RFC1: variants seen among roughly 807,000 people sequenced by gnomAD.
The protein encoded by RFC1 is replication factor C subunit 1.
In RFC1, 37 loss-of-function variants were observed where a neutral mutation model predicts 137.4. That is an observed-to-expected ratio of 0.27 (90% confidence interval 0.21 to 0.35). The LOEUF (loss-of-function observed/expected upper bound fraction) is 0.35, where lower values mean the gene tolerates loss of function less well. Among genes scored for constraint, RFC1 ranks in the 10% least tolerant of loss-of-function variants. RFC1 has a pLI of 1.00. For synonymous variants in RFC1, 429 were observed against 455.7 expected (o/e 0.94, Z 0.75); for missense variants, 1,205 against 1,358.5 (o/e 0.89, Z 1.78).
intron 14 of RFC1, among the ~76,000 whole-genome samples, chr4:39,306,039 C>CT (rs2109621529): frequency 6.6e-6 from 1 of 152,316 alleles, no homozygotes; most frequent in African/African-American, 2.4e-5. Flanking sequence ...CACGTGAACT[C>CT]TGATCTGCTC....
intron 12 of RFC1, among the ~76,000 whole-genome samples, chr4:39,310,070 C>T (rs1738892049): frequency 6.6e-6 from 1 of 152,156 alleles, no homozygotes; most frequent in Non-Finnish European, 1.5e-5. Context: ...TTATTGACAT[C>T]CTGTATCTAT....
At chr4:39,299,897 A>T in intron 21 of RFC1, 124 bp downstream of exon 21, 1 of 652,844 alleles carries the variant, frequency 1.5e-6, no homozygotes, top group East Asian at 2.7e-5. Flanking sequence ...CCCGGGCAAC[A>T]GAGCGAGACT....
At chr4:39,319,827 T>C (rs1194833457) in intron 9 of RFC1, among the ~76,000 whole-genome samples, 3 of 152,144 alleles carry the variant, frequency 2.0e-5, no homozygotes, top group African/African-American at 4.8e-5. Flanking sequence ...GGGTAGTGTA[T>C]CCAGCATGGT....
chr4:39,366,123 T>C, intron 1 of RFC1, 116 bp downstream of exon 1: 1 of 1,191,476 alleles, frequency 8.4e-7, no homozygotes, highest in Non-Finnish European at 1.1e-6. Flanking sequence ...TTTGCTAGCC[T>C]CCGGAACCAC....
At chr4:39,303,471 TTGAGACAGAGTTTC>T (rs756101953) in intron 15 of RFC1, among the ~76,000 whole-genome samples, 63 of 152,286 alleles carry the variant, frequency 4.1e-4, no homozygotes, top group Non-Finnish European at 7.8e-4. Flanking sequence ...TTTTTTTTTT[TTGAGACAGAGTTTC>T]ACTCGTTGCC....
intron 3 of RFC1, among the ~76,000 whole-genome samples, chr4:39,342,809 T>G (rs1740670241): frequency 6.6e-6 from 1 of 152,186 alleles, no homozygotes; most frequent in Admixed American, 6.5e-5. Flanking sequence ...AGAAAGAATT[T>G]TATTTGCCTT....
At chr4:39,304,378 C>T (rs1309554445) in intron 15 of RFC1, among the ~76,000 whole-genome samples, 1 of 152,182 alleles carries the variant, frequency 6.6e-6, no homozygotes. Flanking sequence ...ACAATTATCA[C>T]CCCTTTAACT....
chr4:39,305,214 C>T (rs1578116898), intron 14 of RFC1, among the ~76,000 whole-genome samples: 1 of 152,038 alleles, frequency 6.6e-6, no homozygotes, highest in East Asian at 1.9e-4. Context: ...AGAGTATATT[C>T]AAACAAGCAA....
intron 2 of RFC1, among the ~76,000 whole-genome samples, chr4:39,348,242 T>TA (rs1314428107): frequency 6.6e-6 from 1 of 151,036 alleles, no homozygotes. Flanking sequence ...GCCAATATGG[T>TA]AAAACCCCAT....
intron 14 of RFC1, among the ~76,000 whole-genome samples, chr4:39,305,838 G>A (rs907393519): frequency 2.6e-5 from 4 of 152,002 alleles, no homozygotes; most frequent in African/African-American, 9.7e-5. Context: ...CAACTGTAGG[G>A]ACTAGGAAAA....
chr4:39,337,005 G>A (rs1740386498), intron 4 of RFC1, among the ~76,000 whole-genome samples: 1 of 152,196 alleles, frequency 6.6e-6, no homozygotes, highest in Non-Finnish European at 1.5e-5. Flanking sequence ...ATAAGTGTAT[G>A]AGAGACATCC....
chr4:39,347,701 G>A (rs1740925015), intron 2 of RFC1, among the ~76,000 whole-genome samples: 1 of 152,226 alleles, frequency 6.6e-6, no homozygotes, highest in Non-Finnish European at 1.5e-5. Context: ...TAATAACAAT[G>A]AGAGCTGATG....
chr4:39,289,775 A>G, intron 24 of RFC1, 73 bp downstream of exon 24: 1 of 989,392 alleles, frequency 1.0e-6, no homozygotes, highest in Non-Finnish European at 1.6e-6. Flanking sequence ...TGTGCTGAAA[A>G]GGCCCTATTA....
At chr4:39,301,102 C>CAA (rs1293471914) in intron 19 of RFC1, among the ~76,000 whole-genome samples, 1 of 147,100 alleles carries the variant, frequency 6.8e-6, no homozygotes, top group African/African-American at 2.5e-5. Context: ...AAAAAAAAAC[C>CAA]AAAAAAAACA....
chr4:39,351,282 A>ATT, intron 2 of RFC1, 66 bp downstream of exon 2: 54 of 534,938 alleles, frequency 1.0e-4, no homozygotes, highest in Non-Finnish European at 1.4e-4. Context: ...AAAAAAAAAA[A>ATT]AAACTTATAA....
At chr4:39,364,305 C>A (rs1741915207) in intron 1 of RFC1, among the ~76,000 whole-genome samples, 1 of 150,536 alleles carries the variant, frequency 6.6e-6, no homozygotes, top group South Asian at 2.1e-4. Flanking sequence ...TAACTTTGCA[C>A]AAGTGTTCAA....
At chr4:39,292,020 C>T in intron 22 of RFC1, 168 bp from the exon 23 acceptor site, 1 of 612,694 alleles carries the variant, frequency 1.6e-6, no homozygotes, top group Admixed American at 2.7e-5. Context: ...AGCCCAGCAC[C>T]ACAGCATGAG....
chr4:39,298,981 C>T (rs1560590247), intron 21 of RFC1, among the ~76,000 whole-genome samples: 1 of 152,178 alleles, frequency 6.6e-6, no homozygotes, highest in Non-Finnish European at 1.5e-5. Context: ...AAAATCTCTG[C>T]AGCACTGTGA....
At chr4:39,354,609 T>C (rs1377022346) in intron 1 of RFC1, among the ~76,000 whole-genome samples, 4 of 152,016 alleles carry the variant, frequency 2.6e-5, no homozygotes, top group African/African-American at 9.7e-5. Flanking sequence ...AAAAGTGCCA[T>C]AAACAAAGTT....
Sources: allele counts gnomAD v4.1 joint callset (sites outside exome capture counted in the v4.1 genomes callset), GRCh38; gene constraint gnomAD v4.1.1; transcripts MANE v1.5; gene names NCBI Gene and HGNC (gene_info 2026-07-23, HGNC 2026-07-21).